UGT1A9: variants seen among roughly 807,000 people sequenced by gnomAD.
UGT1A9 encodes the protein UDP glucuronosyltransferase family 1 member A9, also known as UDP-glucuronosyltransferase 1A9.
In UGT1A9, 35 loss-of-function variants were observed where a neutral mutation model predicts 45.0. That is an observed-to-expected ratio of 0.78 (90% CI 0.59 to 1.03). The LOEUF is 1.03. Among genes scored for constraint, UGT1A9 ranks in the 50% least tolerant of loss-of-function variants. The pLI, the probability that UGT1A9 is intolerant of heterozygous loss-of-function variation, is 0.00. For missense variants in UGT1A9, 687 were observed against 666.6 expected (o/e 1.03, Z -0.34); for synonymous variants, 278 against 250.6 (o/e 1.11, Z -1.03).
chr2:233,708,882 A>G (rs761611588), intron 1 of UGT1A9, among the ~76,000 whole-genome samples: 2 of 152,112 alleles, frequency 1.3e-5, no homozygotes, highest in Non-Finnish European at 1.5e-5. Context: ...ACATACTAGA[A>G]CAATCTCAGG....
At chr2:233,750,028 T>C (rs1368553754) in intron 1 of UGT1A9, among the ~76,000 whole-genome samples, 13 of 151,882 alleles carry the variant, frequency 8.6e-5, no homozygotes, top group Admixed American at 8.5e-4. Context: ...AGTACTGCTA[T>C]AAAGATACTT....
chr2:233,681,823 A>T, intron 1 of UGT1A9: 1 of 1,501,462 alleles, frequency 6.7e-7, no homozygotes. Context: ...TTTTTTTTAA[A>T]TGAATGAATA....
chr2:233,748,167 T>A, intron 1 of UGT1A9: 1 of 1,593,478 alleles, frequency 6.3e-7, no homozygotes, highest in Non-Finnish European at 8.5e-7. Context: ...CCATATCTAC[T>A]TATCTTTCTG....
intron 1 of UGT1A9, chr2:233,754,922 T>C: frequency 7.4e-7 from 1 of 1,349,928 alleles, no homozygotes; most frequent in South Asian, 1.1e-5. Flanking sequence ...CCAGCGGGTT[T>C]CCCAAGAGGT....
intron 1 of UGT1A9, chr2:233,743,644 G>T (rs1317452521): frequency 1.5e-6 from 2 of 1,367,194 alleles, no homozygotes; most frequent in East Asian, 9.1e-5. Flanking sequence ...CGCGGAAGCT[G>T]AAGACGTACT....
At chr2:233,699,323 T>A (rs557152275) in intron 1 of UGT1A9, among the ~76,000 whole-genome samples, 1 of 152,360 alleles carries the variant, frequency 6.6e-6, no homozygotes, top group East Asian at 1.9e-4. Flanking sequence ...GCTATTTTGT[T>A]GAGTTTCATC....
chr2:233,672,616 C>T lies in UGT1A9; in HGVS notation c.682C>T (p.Leu228=), dbSNP rs1179620404. The change falls in exon 1 of 5, where the codon CTA becomes TTA. Residue 228 remains leucine (L), a synonymous_variant. Coordinates refer to ENST00000354728, the MANE Select transcript of UGT1A9 (RefSeq NM_021027.3). ...LLCHRFFKNA[L]EIASEILQTP... The stretch of plus-strand genomic sequence containing the variant: ...ATGCCACCGTTTTTTCAAAAATGCC[C>T]TAGAAATAGCCTCTGAAATTCTCCA... 7 of 1,613,754 alleles carry T rather than the reference C, an allele frequency of 4.3e-6. No individual in the cohort carries two copies. The highest frequency in any genetic ancestry group is 4.5e-5 in the East Asian group (2 of 44,896).
chr2:233,762,622 T>A (rs772893097), intron 1 of UGT1A9, among the ~76,000 whole-genome samples: 3 of 152,196 alleles, frequency 2.0e-5, no homozygotes, highest in Non-Finnish European at 4.4e-5. Context: ...TGTTGTGACC[T>A]CAAACACTTC....
chr2:233,672,821 T>C (rs775621184), intron 1 of UGT1A9, 32 bp downstream of exon 1: 18 of 1,577,184 alleles, frequency 1.1e-5, no homozygotes, highest in Non-Finnish European at 8.6e-6. Flanking sequence ...ACCTTAAGAA[T>C]ACTTCACCTT....
chr2:233,761,222 C>T, intron 1 of UGT1A9: 1 of 1,613,374 alleles, frequency 6.2e-7, no homozygotes, highest in Admixed American at 1.7e-5. Flanking sequence ...GATTAACTAG[C>T]CCCAGATATA....
At chr2:233,713,379 G>A in intron 1 of UGT1A9, 1 of 1,614,156 alleles carries the variant, frequency 6.2e-7, no homozygotes, top group Non-Finnish European at 8.5e-7. Flanking sequence ...GTCTTGTGTG[G>A]AGCTACTGCA....
chr2:233,696,498 G>A (rs1420763959), intron 1 of UGT1A9, among the ~76,000 whole-genome samples: 3 of 152,050 alleles, frequency 2.0e-5, no homozygotes, highest in Non-Finnish European at 4.4e-5. Context: ...TACCGAATTT[G>A]CTTGTCAGTT....
chr2:233,717,708 G>A, intron 1 of UGT1A9: 1 of 452,244 alleles, frequency 2.2e-6, no homozygotes, highest in Non-Finnish European at 4.5e-6. Context: ...AGCAGGACGA[G>A]CCTCATGGGC....
intron 1 of UGT1A9, among the ~76,000 whole-genome samples, chr2:233,712,276 G>A (rs888653994): frequency 1.3e-5 from 2 of 152,222 alleles, no homozygotes; most frequent in Admixed American, 1.3e-4. Flanking sequence ...TTAGACAGCA[G>A]CACCTCTTCT....
chr2:233,708,871 C>T (rs544607224), intron 1 of UGT1A9, among the ~76,000 whole-genome samples: 1 of 151,394 alleles, frequency 6.6e-6, no homozygotes, highest in East Asian at 1.9e-4. Context: ...TTTATTGGTT[C>T]ACATACTAGA....
intron 1 of UGT1A9, among the ~76,000 whole-genome samples, chr2:233,706,495 C>A (rs982553703): frequency 2.0e-5 from 3 of 152,192 alleles, no homozygotes; most frequent in African/African-American, 7.2e-5. Flanking sequence ...GGTGTCCAGG[C>A]TGGTGTGATG....
intron 1 of UGT1A9, among the ~76,000 whole-genome samples, chr2:233,689,021 C>A (rs10171367): frequency 6.6e-6 from 1 of 151,956 alleles, no homozygotes; most frequent in Non-Finnish European, 1.5e-5. Flanking sequence ...ATAAACATGG[C>A]CAAGTGGAAA....
At chr2:233,681,885 T>C (rs1285275960) in intron 1 of UGT1A9, 5 of 1,561,674 alleles carry the variant, frequency 3.2e-6, no homozygotes, top group African/African-American at 1.4e-5. Flanking sequence ...TTCCACTTAC[T>C]ATATTATAGG....
intron 1 of UGT1A9, among the ~76,000 whole-genome samples, chr2:233,715,876 T>C (rs1472420308): frequency 6.6e-6 from 1 of 152,230 alleles, no homozygotes; most frequent in Non-Finnish European, 1.5e-5. Context: ...CTTGTGCCTG[T>C]GGCCCCAGCT....
Sources: allele counts gnomAD v4.1 joint callset (sites outside exome capture counted in the v4.1 genomes callset), GRCh38; gene constraint gnomAD v4.1.1; transcripts MANE v1.5; gene names NCBI Gene and HGNC (gene_info 2026-07-23, HGNC 2026-07-21).